Variants in MTREX observed in about 807,000 individuals in gnomAD.
The protein encoded by MTREX is exosome RNA helicase MTR4.
Under a neutral mutation model 135.4 loss-of-function variants are expected in MTREX, and 76 were observed. That is an observed-to-expected ratio of 0.56 (90% confidence interval 0.47 to 0.68). The LOEUF is 0.68. Among genes scored for constraint, MTREX ranks in the 30% least tolerant of loss-of-function variants. MTREX has a pLI of 0.00. For missense variants in MTREX, 920 were observed against 1,262.1 expected (o/e 0.73, Z 4.11); for synonymous variants, 404 against 401.6 (o/e 1.01, Z -0.07).
At chr5:55,335,812 T>C (rs985163631) in intron 5 of MTREX, among the ~76,000 whole-genome samples, 1 of 152,146 alleles carries the variant, frequency 6.6e-6, no homozygotes, top group Non-Finnish European at 1.5e-5. Context: ...TTAATTTTGA[T>C]AGGGATTTTG....
intron 5 of MTREX, among the ~76,000 whole-genome samples, chr5:55,332,626 G>A (rs566893760): frequency 7.9e-5 from 12 of 152,318 alleles, no homozygotes; most frequent in African/African-American, 2.4e-4. Context: ...TGGCAAGAAA[G>A]GGAGAGGAAA....
At chr5:55,380,627 C>T (rs1243194521) in intron 18 of MTREX, among the ~76,000 whole-genome samples, 1 of 152,044 alleles carries the variant, frequency 6.6e-6, no homozygotes, top group South Asian at 2.1e-4. Flanking sequence ...AGATAAATCC[C>T]AGTTTGTCAT....
At chr5:55,358,540 C>T (rs1259277421) in intron 14 of MTREX, 33 bp from the exon 15 acceptor site, 2 of 1,547,606 alleles carry the variant, frequency 1.3e-6, no homozygotes, top group Admixed American at 2.3e-5. Flanking sequence ...CAGTTTTTTT[C>T]CTAAACTCTG....
At chr5:55,311,311 A>AAATACTG (rs1749108145) in intron 1 of MTREX, among the ~76,000 whole-genome samples, 1 of 152,128 alleles carries the variant, frequency 6.6e-6, no homozygotes, top group African/African-American at 2.4e-5. Context: ...TAATATCGTT[A>AAATACTG]AATACTGAAT....
intron 16 of MTREX, among the ~76,000 whole-genome samples, chr5:55,367,443 A>G (rs998248318): frequency 1.3e-5 from 2 of 150,524 alleles, no homozygotes; most frequent in African/African-American, 2.5e-5. Context: ...CCAAGATTGC[A>G]CCACTGCACT....
intron 6 of MTREX, 35 bp from the exon 7 acceptor site, chr5:55,341,646 A>G: frequency 8.4e-7 from 1 of 1,187,882 alleles, no homozygotes; most frequent in Non-Finnish European, 1.2e-6. Flanking sequence ...TTATGTCAGA[A>G]TCCAACTAAA....
chr5:55,391,355 G>A (rs996741080), intron 19 of MTREX, among the ~76,000 whole-genome samples: 2 of 152,032 alleles, frequency 1.3e-5, no homozygotes, highest in Non-Finnish European at 2.9e-5. Context: ...GCTGAAGTGG[G>A]AGGATCGTTT....
At chr5:55,312,020 C>T (rs1749121305) in intron 1 of MTREX, among the ~76,000 whole-genome samples, 1 of 152,132 alleles carries the variant, frequency 6.6e-6, no homozygotes, top group South Asian at 2.1e-4. Context: ...TTCTACTGTT[C>T]TAAGATTGAC....
chr5:55,358,822 G>A, intron 15 of MTREX, 124 bp downstream of exon 15: 2 of 731,794 alleles, frequency 2.7e-6, no homozygotes, highest in East Asian at 6.4e-5. Flanking sequence ...GAAACTATCT[G>A]GGCTTGGGAA....
chr5:55,407,800 C>G (rs1579899213), intron 22 of MTREX, among the ~76,000 whole-genome samples: 1 of 152,246 alleles, frequency 6.6e-6, no homozygotes, highest in East Asian at 1.9e-4. Context: ...GTTGCCCAGG[C>G]TGGGGTGCAG....
intron 21 of MTREX, among the ~76,000 whole-genome samples, chr5:55,402,856 G>A (rs13166853): frequency 1.2e-4 from 7 of 59,674 alleles, no homozygotes; most frequent in Non-Finnish European, 2.8e-4. Flanking sequence ...GTATGTATGT[G>A]TGTGTGTGTG....
At chr5:55,347,625 C>T (rs112284880) in intron 11 of MTREX, among the ~76,000 whole-genome samples, 90 of 152,316 alleles carry the variant, frequency 5.9e-4, no homozygotes, top group African/African-American at 2.0e-3. Context: ...TATTCCTATA[C>T]ATTAATTGCA....
chr5:55,404,628 G>A (rs113742028), intron 21 of MTREX, among the ~76,000 whole-genome samples: 3 of 152,138 alleles, frequency 2.0e-5, no homozygotes, highest in African/African-American at 7.2e-5. Context: ...TTTGGACCGT[G>A]ATTAATTGTC....
At chr5:55,363,199 T>C (rs1750045518) in intron 15 of MTREX, among the ~76,000 whole-genome samples, 2 of 152,218 alleles carry the variant, frequency 1.3e-5, no homozygotes, top group Non-Finnish European at 2.9e-5. Flanking sequence ...AAGATAACAA[T>C]GTACAGGCCT....
intron 20 of MTREX, among the ~76,000 whole-genome samples, chr5:55,398,765 C>G (rs1419034552): frequency 6.6e-6 from 1 of 152,112 alleles, no homozygotes; most frequent in East Asian, 1.9e-4. Context: ...CTGTATTTGT[C>G]TTAAACATCC....
intron 16 of MTREX, among the ~76,000 whole-genome samples, chr5:55,375,871 G>C (rs1184439143): frequency 2.6e-5 from 4 of 152,168 alleles, no homozygotes; most frequent in African/African-American, 9.7e-5. Context: ...CACAGCTTCA[G>C]CTGGTCCCTC....
rs1242558289 is a variant in MTREX, at chr5:55,405,549, TAA to T, written c.2607_2608del (p.Ile870ArgfsTer9). 1 of 1,613,638 alleles carries T rather than the reference TAA, an allele frequency of 6.2e-7. No homozygotes were observed. Among genetic ancestry groups the T allele is most frequent in the East Asian group, 2.2e-5 (1 of 44,866 alleles). ...TTGGGATTTGCTACTTCTTCTGATG[TAA>T]TAGAGATGAAAGGACGAGTGGCTTG... On this transcript the variant is annotated frameshift_variant, in exon 22 of 27. Transcript: ENST00000230640. LOFTEE classifies it high-confidence loss of function.
chr5:55,366,453 G>A (rs1458439347), intron 15 of MTREX, among the ~76,000 whole-genome samples: 2 of 152,090 alleles, frequency 1.3e-5, no homozygotes, highest in Non-Finnish European at 2.9e-5. Flanking sequence ...TGCAGTGGGG[G>A]ACCACAAAGA....
intron 19 of MTREX, among the ~76,000 whole-genome samples, chr5:55,393,796 G>A (rs1396488222): frequency 6.6e-6 from 1 of 152,104 alleles, no homozygotes; most frequent in African/African-American, 2.4e-5. Context: ...ACTGCCATAT[G>A]CAAATATTAT....
Sources: gnomAD v4.1 joint callset for allele counts (sites outside exome capture counted in the v4.1 genomes callset) on GRCh38, gnomAD v4.1.1 for gene constraint, MANE v1.5 for transcripts, NCBI Gene and HGNC (gene_info 2026-07-23, HGNC 2026-07-21) for gene names.